ACSL3: variants seen among roughly 807,000 people sequenced by gnomAD.
ACSL3 encodes acyl-CoA synthetase long chain family member 3.
Under a neutral mutation model 84.7 loss-of-function variants are expected in ACSL3, and 34 were observed. The observed-to-expected ratio is 0.40, with a 90% CI of 0.31 to 0.53. The LOEUF (loss-of-function observed/expected upper bound fraction) is 0.53, where lower values mean the gene tolerates loss of function less well. Ranked by LOEUF, ACSL3 falls within the 20% of genes least tolerant of loss-of-function variation. The probability of loss-of-function intolerance (pLI) is 0.48; values close to 1 mark genes in which losing one functional copy is unlikely to be tolerated. For missense variants in ACSL3, 680 were observed against 873.1 expected (o/e 0.78, Z 2.79); for synonymous variants, 315 against 299.4 (o/e 1.05, Z -0.54).
intron 7 of ACSL3, 196 bp downstream of exon 7, chr2:222,919,398 T>A: frequency 9.0e-6 from 4 of 444,422 alleles, no homozygotes; most frequent in Non-Finnish European, 1.2e-5. Context: ...AAACATTAAT[T>A]ATTAATGTTT....
At chr2:222,879,187 G>A (rs933707548) in intron 1 of ACSL3, among the ~76,000 whole-genome samples, 12 of 152,078 alleles carry the variant, frequency 7.9e-5, no homozygotes, top group Non-Finnish European at 1.2e-4. Flanking sequence ...GCATGGTGGC[G>A]GGCGCTTGTA....
intron 2 of ACSL3, among the ~76,000 whole-genome samples, chr2:222,893,941 C>T (rs552236586): frequency 6.6e-5 from 10 of 152,288 alleles, no homozygotes; most frequent in Admixed American, 2.0e-4. Context: ...AGAGATCCTC[C>T]CACCTCAGCC....
chr2:222,942,991 C>T lies in ACSL3; in HGVS notation c.*1337C>T, dbSNP rs1482565512. 4.6e-6 allele frequency: 1 copy of T among 215,354 alleles called. No homozygotes were observed. Among genetic ancestry groups the T allele is most frequent in the Non-Finnish European group, 9.2e-6 (1 of 108,192 alleles). The allele number at this position is 215,354 out of a possible 1,614,324, so 13.3% of individuals were successfully genotyped here. A position where few individuals can be genotyped will look rare whatever the true frequency, so the allele number is the denominator to read the frequency against. On this transcript the variant is annotated 3_prime_UTR_variant, in exon 17 of 17. Coordinates refer to ENST00000357430, the MANE Select transcript of ACSL3 (RefSeq NM_004457.5). Reference sequence around the variant, plus strand: ...AATAGTGCACCAATTAAGATGTGCTCAAATCAGGACTTAAATCATAGGCAC... The same window carrying T: ...AATAGTGCACCAATTAAGATGTGCTTAAATCAGGACTTAAATCATAGGCAC...
At chr2:222,939,417 G>A (rs1697248865) in intron 16 of ACSL3, among the ~76,000 whole-genome samples, 1 of 152,106 alleles carries the variant, frequency 6.6e-6, no homozygotes, top group African/African-American at 2.4e-5. Flanking sequence ...GTGATATTGT[G>A]GCCTCACTGG....
chr2:222,927,643 A>G (rs1696917661), intron 12 of ACSL3, among the ~76,000 whole-genome samples: 1 of 152,210 alleles, frequency 6.6e-6, no homozygotes, highest in African/African-American at 2.4e-5. Context: ...AGGGAATATT[A>G]TTACCAGAGT....
chr2:222,925,574 T>A (rs1465265201), intron 11 of ACSL3, among the ~76,000 whole-genome samples: 5 of 152,098 alleles, frequency 3.3e-5, no homozygotes, highest in Non-Finnish European at 5.9e-5. Context: ...CACACCACCC[T>A]GGGTGAAAGT....
chr2:222,939,151 A>G (rs1475477907), intron 16 of ACSL3, among the ~76,000 whole-genome samples: 1 of 151,716 alleles, frequency 6.6e-6, no homozygotes, highest in Admixed American at 6.6e-5. Context: ...TGATCTTTTG[A>G]TAGCCTGTGT....
At position 222,927,117 on chromosome 2, in the gene ACSL3, A is replaced by G. The variant is rs757916890; in HGVS notation, c.1393A>G (p.Ile465Val). 4.2e-5 allele frequency: 67 copies of G among 1,613,986 alleles called. No individual in the cohort carries two copies. Among genetic ancestry groups the G allele is most frequent in the Non-Finnish European group, 5.6e-5 (66 of 1,180,002 alleles). ...TGCAACCACGCAGCGATTCATGAAC[A>G]TCTGTTTCTGCTGTCCTGTTGGTCA... ...LSATTQRFMN[I>V]CFCCPVGQGY... Residue 465 changes from isoleucine to valine, a missense_variant, in exon 12 of 17, where the codon ATC becomes GTC. This residue lies in a region of ACSL3 where 347 missense variants were observed against 525.7 expected (regional missense o/e 0.66). Coordinates refer to ENST00000357430, the MANE Select transcript of ACSL3 (RefSeq NM_004457.5).
chr2:222,939,350 A>G (rs899342102), intron 16 of ACSL3, among the ~76,000 whole-genome samples: 1 of 152,204 alleles, frequency 6.6e-6, no homozygotes, highest in East Asian at 1.9e-4. Context: ...TGTGGGGTAC[A>G]ATCTAATTGA....
At chr2:222,928,004 T>C (rs1696926849) in intron 12 of ACSL3, among the ~76,000 whole-genome samples, 1 of 152,248 alleles carries the variant, frequency 6.6e-6, no homozygotes, top group African/African-American at 2.4e-5. Flanking sequence ...GGGATTTCTT[T>C]CTTCTGAGGA....
At chr2:222,926,977 C>G in intron 11 of ACSL3, 40 bp from the exon 12 acceptor site, 1 of 1,587,910 alleles carries the variant, frequency 6.3e-7, no homozygotes, top group Non-Finnish European at 8.6e-7. Context: ...AAATCCCATT[C>G]AGTTTTAAAA....
At chr2:222,891,456 G>A (rs748649756) in intron 2 of ACSL3, among the ~76,000 whole-genome samples, 2 of 152,130 alleles carry the variant, frequency 1.3e-5, no homozygotes, top group Non-Finnish European at 2.9e-5. Context: ...TAAAATCCCT[G>A]TTGTGTATCT....
chr2:222,908,822 C>A lies in ACSL3; in HGVS notation c.50C>A (p.Thr17Asn), dbSNP rs1487895179. The stretch of plus-strand genomic sequence containing the variant: ...CCATCTACCATGAAGCTAAAACATA[C>A]CATCAACCCTATTCTTTTATATTTT... ...SKPSTMKLKH[T>N]INPILLYFIH... Residue 17 changes from threonine to asparagine, a missense_variant, in exon 4 of 17, where the codon ACC becomes AAC. Thr to Asn is a moderately conservative substitution (Grantham distance 65, BLOSUM62 0). Coordinates refer to ENST00000357430, the MANE Select transcript of ACSL3 (RefSeq NM_004457.5). 1.9e-6 allele frequency: 3 copies of A among 1,605,048 alleles called. No homozygotes were observed. Among genetic ancestry groups the A allele is most frequent in the Non-Finnish European group, 2.6e-6 (3 of 1,175,822 alleles).
chr2:222,910,657 A>T (rs1244291513), intron 4 of ACSL3, among the ~76,000 whole-genome samples: 1 of 152,220 alleles, frequency 6.6e-6, no homozygotes, highest in Non-Finnish European at 1.5e-5. Context: ...CCTAGAAACT[A>T]AAAACATTTT....
At chr2:222,931,984 G>A (rs1289845878) in intron 14 of ACSL3, among the ~76,000 whole-genome samples, 2 of 152,222 alleles carry the variant, frequency 1.3e-5, no homozygotes, top group South Asian at 2.1e-4. Context: ...CCAGGAGGCC[G>A]TGATTGTGCC....
At position 222,942,035 on chromosome 2, in the gene ACSL3, T is replaced by A. The variant is rs1041613190; in HGVS notation, c.*381T>A. On this transcript the variant is annotated 3_prime_UTR_variant, in exon 17 of 17. Coordinates refer to ENST00000357430, the MANE Select transcript of ACSL3 (RefSeq NM_004457.5). ...TGTATAGAGGGATAAATAGGAAATA[T>A]AAGAATTGGTTATTTGGGGGCTTTT... The A allele has an allele frequency of 8.9e-6, 2 of 224,874 alleles. No homozygotes were observed. The highest frequency in any genetic ancestry group is 1.8e-5 in the Non-Finnish European group (2 of 112,790). The allele number at this position is 224,874 out of a possible 1,614,324, so 13.9% of individuals were successfully genotyped here.
chr2:222,928,978 A>G (rs1161984888), intron 13 of ACSL3, 42 bp downstream of exon 13: 16 of 1,525,404 alleles, frequency 1.0e-5, no homozygotes, highest in Non-Finnish European at 1.4e-5. Flanking sequence ...TTTTTAAAGT[A>G]TTAAACTTGA....
chr2:222,878,279 C>G (rs1403710172), intron 1 of ACSL3, among the ~76,000 whole-genome samples: 1 of 152,156 alleles, frequency 6.6e-6, no homozygotes, highest in African/African-American at 2.4e-5. Flanking sequence ...TCAGGAATTC[C>G]TGAAGAATAG....
chr2:222,914,346 C>CT (rs1279637600), intron 4 of ACSL3, among the ~76,000 whole-genome samples: 1 of 151,494 alleles, frequency 6.6e-6, no homozygotes, highest in Non-Finnish European at 1.5e-5. Context: ...TCTCTGCAGC[C>CT]TTGAGTTCCT....
Sources: allele counts gnomAD v4.1 joint callset (sites outside exome capture counted in the v4.1 genomes callset), GRCh38; gene constraint gnomAD v4.1.1; regional missense constraint gnomAD v4.1.1; transcripts MANE v1.5; gene names NCBI Gene and HGNC (gene_info 2026-07-23, HGNC 2026-07-21).